Variants in GADL1 observed in about 807,000 individuals in gnomAD.
GADL1 encodes GAD like acidic amino acid decarboxylase 1.
Under a neutral mutation model 69.5 loss-of-function variants are expected in GADL1, and 71 were observed. The observed-to-expected ratio is 1.02, with a 90% CI of 0.84 to 1.25. The LOEUF is 1.25. GADL1 is among the 50% of genes most tolerant of loss of function. GADL1 has a pLI of 0.00. For synonymous variants in GADL1, 254 were observed against 214.4 expected (o/e 1.18, Z -1.62); for missense variants, 737 against 631.8 (o/e 1.17, Z -1.79).
chr3:30,875,899 C>G (rs186777573), intron 1 of GADL1, among the ~76,000 whole-genome samples: 11 of 151,998 alleles, frequency 7.2e-5, no homozygotes, highest in African/African-American at 2.4e-4. Context: ...AAAAGCTTCT[C>G]CAGCCCATTT....
chr3:30,752,814 A>G (rs1404364097), intron 14 of GADL1, among the ~76,000 whole-genome samples: 1 of 106,476 alleles, frequency 9.4e-6, no homozygotes, highest in Non-Finnish European at 1.7e-5. Flanking sequence ...AGGCTGCTGG[A>G]AGACAAGAGT....
At chr3:30,781,374 AAAG>A (rs1249450576) in intron 13 of GADL1, among the ~76,000 whole-genome samples, 1 of 152,222 alleles carries the variant, frequency 6.6e-6, no homozygotes, top group Non-Finnish European at 1.5e-5. Context: ...AGTTATGTCA[AAAG>A]AAATTCATCT....
intron 14 of GADL1, among the ~76,000 whole-genome samples, chr3:30,743,307 C>T (rs1020768639): frequency 5.3e-5 from 8 of 152,088 alleles, no homozygotes; most frequent in African/African-American, 1.9e-4. Flanking sequence ...TACCAGGCAG[C>T]TTTTTAGATG....
chr3:30,867,008 T>C (rs1394925604), intron 1 of GADL1, among the ~76,000 whole-genome samples: 1 of 152,010 alleles, frequency 6.6e-6, no homozygotes, highest in Non-Finnish European at 1.5e-5. Context: ...AGAGCTGACT[T>C]CTAGTCCCAC....
chr3:30,754,271 AGG>A (rs1372709466), intron 14 of GADL1, among the ~76,000 whole-genome samples: 1 of 152,174 alleles, frequency 6.6e-6, no homozygotes, highest in East Asian at 1.9e-4. Flanking sequence ...AGATGTGTAA[AGG>A]AGAACCACAT....
intron 1 of GADL1, among the ~76,000 whole-genome samples, chr3:30,888,307 C>T (rs1209533656): frequency 6.6e-6 from 1 of 151,986 alleles, no homozygotes; most frequent in Non-Finnish European, 1.5e-5. Context: ...ATTATATTTC[C>T]TCATCTGGGT....
intron 9 of GADL1, among the ~76,000 whole-genome samples, chr3:30,835,835 T>C (rs1559356451): frequency 6.6e-6 from 1 of 152,034 alleles, no homozygotes; most frequent in Non-Finnish European, 1.5e-5. Context: ...TAACTTGGCA[T>C]TATCAGTCAA....
intron 1 of GADL1, among the ~76,000 whole-genome samples, chr3:30,890,899 T>C (rs553048272): frequency 2.2e-4 from 33 of 152,320 alleles, no homozygotes; most frequent in Admixed American, 3.9e-4. Flanking sequence ...ATTCCTAATC[T>C]TCATGATAAT....
intron 14 of GADL1, among the ~76,000 whole-genome samples, chr3:30,764,841 A>C (rs2125487910): frequency 6.6e-6 from 1 of 152,122 alleles, no homozygotes; most frequent in East Asian, 1.9e-4. Context: ...CAGTTGACTA[A>C]AGCAAGCTCT....
At chr3:30,847,461 C>T (rs773620205) in intron 6 of GADL1, among the ~76,000 whole-genome samples, 3 of 152,104 alleles carry the variant, frequency 2.0e-5, no homozygotes, top group South Asian at 4.1e-4. Context: ...AAAAGACTAA[C>T]GCAGAGTTTA....
At chr3:30,829,065 C>G (rs776127872) in intron 11 of GADL1, among the ~76,000 whole-genome samples, 1 of 151,880 alleles carries the variant, frequency 6.6e-6, no homozygotes, top group Non-Finnish European at 1.5e-5. Context: ...TCCATCTATG[C>G]AACTGATTCT....
chr3:30,792,240 T>A (rs1222311162), intron 12 of GADL1, among the ~76,000 whole-genome samples: 1 of 152,246 alleles, frequency 6.6e-6, no homozygotes, highest in Non-Finnish European at 1.5e-5. Flanking sequence ...GTTTGAACAC[T>A]GCTAGGCATA....
chr3:30,872,066 T>C (rs1034029701), intron 1 of GADL1, among the ~76,000 whole-genome samples: 1 of 151,978 alleles, frequency 6.6e-6, no homozygotes, highest in African/African-American at 2.4e-5. Flanking sequence ...GTCATATTAA[T>C]AAGGCAGCTC....
At chr3:30,742,101 C>T (rs564890825) in intron 14 of GADL1, among the ~76,000 whole-genome samples, 1 of 152,116 alleles carries the variant, frequency 6.6e-6, no homozygotes, top group Non-Finnish European at 1.5e-5. Context: ...TATTTTGGCC[C>T]GGACAGTAAA....
intron 14 of GADL1, among the ~76,000 whole-genome samples, chr3:30,769,361 C>T (rs1005135423): frequency 6.6e-6 from 1 of 152,088 alleles, no homozygotes; most frequent in Non-Finnish European, 1.5e-5. Flanking sequence ...GCAGAAGTTC[C>T]AATGTCTGGA....
At chr3:30,865,527 T>C (rs1698389136) in intron 1 of GADL1, among the ~76,000 whole-genome samples, 1 of 152,002 alleles carries the variant, frequency 6.6e-6, no homozygotes, top group African/African-American at 2.4e-5. Flanking sequence ...GCAGGTTGTC[T>C]GTATGCCTTT....
intron 12 of GADL1, among the ~76,000 whole-genome samples, chr3:30,794,613 A>G (rs375611394): frequency 4.5e-4 from 68 of 152,214 alleles, no homozygotes; most frequent in African/African-American, 1.6e-3. Context: ...AGTAATTAAT[A>G]TTTTCTGGGA....
chr3:30,739,216 G>A (rs138406012), intron 14 of GADL1, among the ~76,000 whole-genome samples: 1 of 152,176 alleles, frequency 6.6e-6, no homozygotes, highest in South Asian at 2.1e-4. Context: ...AAAGAAGGGA[G>A]CCCATGGCGT....
At chr3:30,815,400 A>G (rs1349604323) in intron 11 of GADL1, among the ~76,000 whole-genome samples, 3 of 152,198 alleles carry the variant, frequency 2.0e-5, no homozygotes, top group Admixed American at 6.5e-5. Flanking sequence ...GTCTCCAGGT[A>G]TGAGAATTAT....
Sources: gnomAD v4.1 joint callset for allele counts (sites outside exome capture counted in the v4.1 genomes callset) on GRCh38, gnomAD v4.1.1 for gene constraint, MANE v1.5 for transcripts, NCBI Gene and HGNC (gene_info 2026-07-23, HGNC 2026-07-21) for gene names.